Variants in STAB2 observed in about 807,000 individuals in gnomAD.
The protein encoded by STAB2 is stabilin 2.
STAB2 carries 288 observed loss-of-function variants against 338.1 expected under a neutral mutation model. The ratio of observed to expected loss-of-function variants is 0.85; its 90% confidence interval spans 0.77 to 0.94. The LOEUF is 0.94. Among genes scored for constraint, STAB2 ranks in the 40% least tolerant of loss-of-function variants. The pLI is 0.00. For missense variants in STAB2, 3,141 were observed against 3,210.1 expected, an observed-to-expected ratio of 0.98 and a Z score of 0.52; for synonymous variants, 1,202 against 1,193.3, an observed-to-expected ratio of 1.01 and a Z score of -0.15.
Position 103,652,711 on chromosome 12 carries a change from G to C in STAB2, c.1407+6G>C, listed in dbSNP as rs1174361582. On this transcript the variant is annotated splice_donor_region_variant and intron_variant, in intron 12 of 68. Transcript: ENST00000388887. ...AAATCTTCAACAGCGATAAGGTAAG[G>C]GTTCCTCTGATTTTCACTCCCAGAA... 6.4e-7 allele frequency: 1 copy of C among 1,571,828 alleles called. No homozygotes were observed. Among genetic ancestry groups the C allele is most frequent in the Admixed American group, 1.9e-5 (1 of 53,520 alleles).
rs149254559 is a variant in STAB2, at chr12:103,712,354, T to G, written c.4335-13T>G. 513 of 1,611,324 alleles carry G rather than the reference T, an allele frequency of 3.2e-4. 1 individual carries two copies. The African/African-American group carries it at 4.0e-3, about 13-fold the overall frequency. On this transcript the variant is annotated splice_polypyrimidine_tract_variant and intron_variant, in intron 40 of 68. Transcript: ENST00000388887. ...ATTTTTCTACAAACCCCATTTGTCC[T>G]TCCTTGTTGCAGCTGCCTCACCAAC...
chr12:103,723,351 T>A (rs967142656), intron 44 of STAB2, among the ~76,000 whole-genome samples: 1 of 152,142 alleles, frequency 6.6e-6, no homozygotes, highest in Non-Finnish European at 1.5e-5. Context: ...AGAAGGGAGC[T>A]TGTGCAGGGA....
intron 9 of STAB2, among the ~76,000 whole-genome samples, chr12:103,647,839 CTG>C (rs1373374640): frequency 6.6e-6 from 1 of 152,158 alleles, no homozygotes; most frequent in African/African-American, 2.4e-5. Flanking sequence ...TACAAAATCT[CTG>C]TGATTTTCAT....
At chr12:103,645,781 C>T (rs534602430) in intron 9 of STAB2, among the ~76,000 whole-genome samples, 1 of 151,862 alleles carries the variant, frequency 6.6e-6, no homozygotes, top group Non-Finnish European at 1.5e-5. Flanking sequence ...CATTTTTGGC[C>T]AGACAGTTCT....
In STAB2 at chr12:103,619,116, C is replaced by T. The variant is rs3886759; in HGVS notation, c.332-1352C>T. Among the ~76,000 whole-genome samples, 755 of 152,266 alleles carry T rather than the reference C, an allele frequency of 5.0e-3. 7 individuals carry two copies. The highest frequency in any genetic ancestry group is 0.017 in the African/African-American group (720 of 41,542). Reference sequence around the variant, plus strand: ...AAATCTCTTTCCTTTTTAAATTACCCGGTCTCAGGCATGTCTTTATTAGCA... The same window carrying T: ...AAATCTCTTTCCTTTTTAAATTACCTGGTCTCAGGCATGTCTTTATTAGCA... On this transcript the variant is annotated intron_variant, in intron 3 of 68. Transcript: ENST00000388887.
intron 4 of STAB2, 23 bp downstream of exon 4, chr12:103,620,576 C>T (rs1183199501): frequency 1.3e-6 from 2 of 1,547,912 alleles, no homozygotes; most frequent in Non-Finnish European, 1.7e-6. Context: ...ATGTGTTCTT[C>T]CTTTCCTGGT....
At chr12:103,670,224 G>A (rs703638) in intron 21 of STAB2, among the ~76,000 whole-genome samples, 2,546 of 152,228 alleles carry the variant, frequency 0.017, 30 homozygotes, top group Middle Eastern at 0.031. Flanking sequence ...AAATGACTGC[G>A]GCCAGGGGTT....
intron 39 of STAB2, among the ~76,000 whole-genome samples, chr12:103,710,317 C>T (rs1879732696): frequency 6.6e-6 from 1 of 152,134 alleles, no homozygotes; most frequent in East Asian, 1.9e-4. Flanking sequence ...GCACATTCTA[C>T]ACAGGAAGTT....
chr12:103,590,866 A>G (rs752891089), intron 1 of STAB2, 31 bp from the exon 2 acceptor site: 1 of 1,613,596 alleles, frequency 6.2e-7, no homozygotes, highest in Non-Finnish European at 8.5e-7. Context: ...GATAACAGGA[A>G]TTAATGTTCT....
chr12:103,664,389 C>G (rs979707274), intron 18 of STAB2, among the ~76,000 whole-genome samples: 2 of 152,242 alleles, frequency 1.3e-5, no homozygotes, highest in East Asian at 3.9e-4. Context: ...CGTGATCTGC[C>G]CGCCTCGGCC....
chr12:103,672,170 C>A (rs1875863974), intron 22 of STAB2, among the ~76,000 whole-genome samples: 1 of 152,194 alleles, frequency 6.6e-6, no homozygotes, highest in African/African-American at 2.4e-5. Context: ...AACACACAAC[C>A]CTTCCGCTCT....
intron 9 of STAB2, among the ~76,000 whole-genome samples, chr12:103,643,947 G>C (rs1873124204): frequency 1.1e-5 from 1 of 88,672 alleles, no homozygotes; most frequent in Non-Finnish European, 2.5e-5. Context: ...GCCCCGTCCG[G>C]GAGGTGAGGG....
intron 25 of STAB2, among the ~76,000 whole-genome samples, chr12:103,680,115 G>A (rs539687198): frequency 1.7e-4 from 26 of 152,306 alleles, no homozygotes; most frequent in African/African-American, 6.3e-4. Context: ...GTGGCTGCCG[G>A]GAGCTAGAGT....
Position 103,590,891 on chromosome 12 carries a change from A to G in STAB2, c.82-6A>G, listed in dbSNP as rs1166887584. Reference sequence around the variant, plus strand: ...ATTAATGTTCTTTTTTTTAATATTTACACAGGCAAGAAGATGTGATAGGAA... The same window carrying G: ...ATTAATGTTCTTTTTTTTAATATTTGCACAGGCAAGAAGATGTGATAGGAA... On this transcript the variant is annotated splice_polypyrimidine_tract_variant and splice_region_variant and intron_variant, in intron 1 of 68. Coordinates refer to ENST00000388887, the MANE Select transcript of STAB2 (RefSeq NM_017564.10). 8.7e-6 allele frequency: 14 copies of G among 1,613,782 alleles called. No individual in the cohort carries two copies. The highest frequency in any genetic ancestry group is 1.2e-5 in the Non-Finnish European group (14 of 1,179,930).
chr12:103,666,382 G>C (rs1875104321), intron 19 of STAB2, 29 bp downstream of exon 19: 1 of 1,612,964 alleles, frequency 6.2e-7, no homozygotes, highest in Non-Finnish European at 8.5e-7. Flanking sequence ...TGAAAGCACA[G>C]ATCACCCAAG....
rs764971833 is a variant in STAB2, at chr12:103,740,721, G to A, written c.5846G>A (p.Arg1949Lys). 1 of 1,600,946 alleles carries A rather than the reference G, an allele frequency of 6.2e-7. No individual in the cohort carries two copies. The highest frequency in any genetic ancestry group is 1.8e-5 in the Admixed American group (1 of 56,448). ...TGCAGCCTGGTGATACAGATCCCCA[G>A]GTGCTGCAAGGGCTACTTCGGGCGA... ...ERCSLVIQIP[R>K]CCKGYFGRDC... Residue 1949 changes from arginine to lysine, a missense_variant, in exon 55 of 69, where the codon AGG (arginine) becomes AAG (lysine). Physicochemically the swap from Arg to Lys is conservative, Grantham distance 26 (BLOSUM62 2). Transcript: ENST00000388887.
chr12:103,613,914 T>C (rs950242655), intron 3 of STAB2, among the ~76,000 whole-genome samples: 24 of 152,376 alleles, frequency 1.6e-4, no homozygotes, highest in African/African-American at 5.3e-4. Context: ...CTGCTGTTAA[T>C]TCTATATCTT....
chr12:103,693,657 C>A (rs1433069924), intron 31 of STAB2, among the ~76,000 whole-genome samples: 1 of 151,986 alleles, frequency 6.6e-6, no homozygotes, highest in Non-Finnish European at 1.5e-5. Flanking sequence ...TTTTTATTTT[C>A]TTCTAATACC....
intron 67 of STAB2, 80 bp downstream of exon 67, chr12:103,762,482 G>A: frequency 6.2e-7 from 1 of 1,601,110 alleles, no homozygotes; most frequent in African/African-American, 1.3e-5. Flanking sequence ...TTCAGTCGGT[G>A]GCTGCGCCAG....
Sources: allele counts gnomAD v4.1 joint callset (sites outside exome capture counted in the v4.1 genomes callset), GRCh38; gene constraint gnomAD v4.1.1; transcripts MANE v1.5; gene names NCBI Gene and HGNC (gene_info 2026-07-23, HGNC 2026-07-21).